The following SLC16A10 variants were observed in gnomAD, a reference collection of about 807,000 sequenced individuals.
SLC16A10 encodes solute carrier family 16 member 10.
A neutral mutation model predicts 40.0 loss-of-function variants in SLC16A10; 27 were observed. The observed-to-expected ratio is 0.67, with a 90% confidence interval of 0.50 to 0.93. The LOEUF (loss-of-function observed/expected upper bound fraction) is 0.93. SLC16A10 is among the 40% of genes least tolerant of loss of function. SLC16A10 has a pLI of 0.00. For synonymous variants in SLC16A10, 213 were observed against 249.8 expected, an observed-to-expected ratio of 0.85 and a Z score of 1.39; for missense variants, 529 against 658.2, an observed-to-expected ratio of 0.80 and a Z score of 2.15.
chr6:111,122,793 T>C (rs1257385850), intron 1 of SLC16A10, among the ~76,000 whole-genome samples: 1 of 152,172 alleles, frequency 6.6e-6, no homozygotes, highest in African/African-American at 2.4e-5. Context: ...GGCCAGGAGC[T>C]CACCTCCCAG....
At chr6:111,152,812 C>T (rs959198973) in intron 1 of SLC16A10, among the ~76,000 whole-genome samples, 2 of 152,172 alleles carry the variant, frequency 1.3e-5, no homozygotes, top group African/African-American at 4.8e-5. Flanking sequence ...CAGTAACTTC[C>T]CTTTCAAAGA....
rs1770922567 is a variant in SLC16A10, at chr6:111,222,683, A to T, written c.*448A>T. 6.1e-6 allele frequency: 1 copy of T among 164,330 alleles called. No homozygotes were observed. Among genetic ancestry groups the T allele is most frequent in the African/African-American group, 2.4e-5 (1 of 41,516 alleles). The allele number at this position is 164,330 out of a possible 1,614,324, so 10.2% of individuals were successfully genotyped here. ...TCTTTGGAAACTTTTTGCAAAATTT[A>T]AGCCTGGGTTCTAGATAATACCAGA... On this transcript the variant is annotated 3_prime_UTR_variant, in exon 6 of 6. Coordinates refer to ENST00000368851, the MANE Select transcript of SLC16A10 (RefSeq NM_018593.5).
intron 1 of SLC16A10, among the ~76,000 whole-genome samples, chr6:111,171,621 G>A (rs1772586828): frequency 1.3e-5 from 2 of 152,120 alleles, no homozygotes; most frequent in African/African-American, 4.8e-5. Flanking sequence ...TTCAAGACCA[G>A]CCTGGGCAAC....
chr6:111,219,413 C>T (rs1274842121), intron 5 of SLC16A10, among the ~76,000 whole-genome samples: 3 of 151,954 alleles, frequency 2.0e-5, no homozygotes, highest in Non-Finnish European at 4.4e-5. Flanking sequence ...TCTGCAGTCC[C>T]AGATGCACAG....
At chr6:111,183,513 G>A (rs1171416440) in intron 3 of SLC16A10, among the ~76,000 whole-genome samples, 2 of 152,172 alleles carry the variant, frequency 1.3e-5, no homozygotes, top group Non-Finnish European at 2.9e-5. Context: ...TATTCTGGGT[G>A]AGTCTGAAGT....
chr6:111,108,256 GTGATTCACC>G (rs1295158332), intron 1 of SLC16A10, among the ~76,000 whole-genome samples: 1 of 152,104 alleles, frequency 6.6e-6, no homozygotes, highest in Admixed American at 6.5e-5. Context: ...CTGACCTCAG[GTGATTCACC>G]TGTCTCGGCC....
At chr6:111,113,446 G>A (rs1459130020) in intron 1 of SLC16A10, among the ~76,000 whole-genome samples, 1 of 152,214 alleles carries the variant, frequency 6.6e-6, no homozygotes, top group Non-Finnish European at 1.5e-5. Context: ...GGAAGAAGAA[G>A]CTATCAGGAG....
At chr6:111,168,490 C>T (rs1408248191) in intron 1 of SLC16A10, among the ~76,000 whole-genome samples, 1 of 150,492 alleles carries the variant, frequency 6.6e-6, no homozygotes, top group Non-Finnish European at 1.5e-5. Context: ...CAGTAATAGT[C>T]AGACTTGGAA....
chr6:111,119,338 T>C (rs1396137401), intron 1 of SLC16A10, among the ~76,000 whole-genome samples: 3 of 152,234 alleles, frequency 2.0e-5, no homozygotes, highest in African/African-American at 7.2e-5. Flanking sequence ...CTGCATAGTC[T>C]CTTTTGCAGC....
At chr6:111,175,498 T>C (rs1772662884) in intron 2 of SLC16A10, among the ~76,000 whole-genome samples, 1 of 152,218 alleles carries the variant, frequency 6.6e-6, no homozygotes. Context: ...AAATGTATAA[T>C]AGACTTAAAT....
At chr6:111,131,694 G>A (rs920704483) in intron 1 of SLC16A10, among the ~76,000 whole-genome samples, 5 of 152,196 alleles carry the variant, frequency 3.3e-5, no homozygotes, top group Admixed American at 6.5e-5. Flanking sequence ...GGTTGGGAGC[G>A]TTGGGCTGTC....
At chr6:111,097,468 T>A (rs1003844658) in intron 1 of SLC16A10, among the ~76,000 whole-genome samples, 2 of 151,892 alleles carry the variant, frequency 1.3e-5, no homozygotes, top group East Asian at 1.9e-4. Flanking sequence ...CGCACCACCA[T>A]GCCTGGCTAA....
chr6:111,124,675 C>G (rs1310437259), intron 1 of SLC16A10, among the ~76,000 whole-genome samples: 1 of 152,152 alleles, frequency 6.6e-6, no homozygotes, highest in Non-Finnish European at 1.5e-5. Flanking sequence ...AATGATTTTC[C>G]TTTGTTGAAT....
chr6:111,145,352 G>A (rs1772057785), intron 1 of SLC16A10, among the ~76,000 whole-genome samples: 1 of 152,242 alleles, frequency 6.6e-6, no homozygotes, highest in Non-Finnish European at 1.5e-5. Flanking sequence ...AATAAGCCAT[G>A]TTTGCATCAC....
chr6:111,098,635 G>A (rs1467085039), intron 1 of SLC16A10, among the ~76,000 whole-genome samples: 2 of 151,956 alleles, frequency 1.3e-5, no homozygotes, highest in African/African-American at 2.4e-5. Flanking sequence ...GCCAAGTCAA[G>A]TAGGTTAGTC....
At chr6:111,134,808 C>A (rs1326352598) in intron 1 of SLC16A10, among the ~76,000 whole-genome samples, 1 of 152,188 alleles carries the variant, frequency 6.6e-6, no homozygotes, top group Non-Finnish European at 1.5e-5. Flanking sequence ...AAGCCACTAA[C>A]CAGATGATCC....
At chr6:111,206,071 T>G (rs1269550954) in intron 3 of SLC16A10, among the ~76,000 whole-genome samples, 1 of 152,082 alleles carries the variant, frequency 6.6e-6, no homozygotes, top group Non-Finnish European at 1.5e-5. Flanking sequence ...TAAAAACTCT[T>G]ATAAACATGC....
intron 4 of SLC16A10, among the ~76,000 whole-genome samples, chr6:111,209,770 G>C (rs775613893): frequency 6.6e-6 from 1 of 152,196 alleles, no homozygotes; most frequent in Non-Finnish European, 1.5e-5. Context: ...TCAGTAGCTA[G>C]TGACAAAGAG....
At chr6:111,215,238 C>T (rs1176846468) in intron 4 of SLC16A10, among the ~76,000 whole-genome samples, 1 of 151,574 alleles carries the variant, frequency 6.6e-6, no homozygotes, top group African/African-American at 2.4e-5. Context: ...GTGAAGAGGC[C>T]AAGTTCCAAG....
Sources: allele counts gnomAD v4.1 joint callset (sites outside exome capture counted in the v4.1 genomes callset), GRCh38; gene constraint gnomAD v4.1.1; transcripts MANE v1.5; gene names NCBI Gene and HGNC (gene_info 2026-07-23, HGNC 2026-07-21).